UNC13A: variants seen among roughly 807,000 people sequenced by gnomAD.
The protein encoded by UNC13A is unc-13 homolog A, also known as protein unc-13 homolog A.
A neutral mutation model predicts 219.7 loss-of-function variants in UNC13A; 61 were observed. That is an observed-to-expected ratio of 0.28 (90% CI 0.23 to 0.34). The LOEUF is 0.34. Among genes scored for constraint, UNC13A ranks in the 10% least tolerant of loss-of-function variants. The pLI is 1.00. For missense variants in UNC13A, 1,476 were observed against 2,270.3 expected (o/e 0.65, Z 7.11); for synonymous variants, 920 against 884.6 (o/e 1.04, Z -0.71).
intron 17 of UNC13A, among the ~76,000 whole-genome samples, chr19:17,646,400 C>T (rs533578560): frequency 1.3e-5 from 2 of 152,232 alleles, no homozygotes; most frequent in East Asian, 1.9e-4. Flanking sequence ...ATTACCCGCA[C>T]GTGCCACCCC....
At position 17,674,011 on chromosome 19, in the gene UNC13A, AAAAC is replaced by A. The variant is rs1229471035; in HGVS notation, c.152+642_152+645del. ...GGGCAACAGAGTGAGGCTCTGCCTC[AAAAC>A]AAACAAACAAACAAACAAAATTGGT... On this transcript the variant is annotated intron_variant, in intron 3 of 43. Coordinates refer to ENST00000519716, the MANE Select transcript of UNC13A (RefSeq NM_001080421.3). This position sits in a 1 kb window ranked among gnomAD's most constrained non-coding sequence, Gnocchi z 5.0. Among the ~76,000 whole-genome samples the A allele has an allele frequency of 2.0e-5, 3 of 152,258 alleles. No homozygotes were observed. The highest frequency in any genetic ancestry group is 6.5e-5 in the Admixed American group (1 of 15,290).
intron 1 of UNC13A, among the ~76,000 whole-genome samples, chr19:17,682,395 A>G (rs2080035827): frequency 6.6e-6 from 1 of 152,218 alleles, no homozygotes; most frequent in Non-Finnish European, 1.5e-5. Flanking sequence ...CATTCCACAG[A>G]TGAGCACACC....
At chr19:17,625,017 T>TAAC in intron 34 of UNC13A, 65 bp from the exon 35 acceptor site, 2 of 1,574,536 alleles carry the variant, frequency 1.3e-6, no homozygotes, top group Non-Finnish European at 1.7e-6. Flanking sequence ...CACCTTCCCT[T>TAAC]AACAGGTGGG....
rs1301748839 is a variant in UNC13A, at chr19:17,604,798, G to C, written c.*1256C>G. On this transcript the variant is annotated 3_prime_UTR_variant, in exon 44 of 44. Transcript: ENST00000519716. ...GCCATCTGAGGTATCCTGTGGCTTG[G>C]GTGTTTGAATCAATGAATAGGCTCT... 2.6e-5 allele frequency: 4 copies of C among 152,246 alleles called. No individual in the cohort carries two copies. The highest frequency in any genetic ancestry group is 5.9e-5 in the Non-Finnish European group (4 of 68,056). The allele number at this position is 152,246 out of a possible 1,614,324, so 9.4% of individuals were successfully genotyped here. A position where few individuals can be genotyped will look rare whatever the true frequency, so the allele number is the denominator to read the frequency against.
chr19:17,640,033 G>T (rs1034376987), intron 22 of UNC13A, 125 bp from the exon 23 acceptor site: 9 of 988,780 alleles, frequency 9.1e-6, no homozygotes, highest in Non-Finnish European at 1.2e-5. Flanking sequence ...TCCATTCTAT[G>T]GCATTTTTTT....
chr19:17,660,784 G>A (rs995678190), intron 8 of UNC13A, among the ~76,000 whole-genome samples: 9 of 151,832 alleles, frequency 5.9e-5, no homozygotes, highest in African/African-American at 2.2e-4. Context: ...TGCCTACCTC[G>A]GCCTCCCAAA....
chr19:17,641,599 T>A lies in UNC13A; in HGVS notation c.2473-43A>T, dbSNP rs768835438. On this transcript the variant is annotated intron_variant, in intron 20 of 43. Transcript: ENST00000519716. ...AAAGTGTCATGGAGAGTGCAAGGGG[T>A]CGCCGGGGGTCAGAGGTCCCAGGGT... The A allele has an allele frequency of 3.1e-6, 5 of 1,596,556 alleles. No individual in the cohort carries two copies. In the South Asian group the frequency reaches 4.4e-5, roughly 14 times the overall value.
At chr19:17,640,032 T>C (rs1001927768) in intron 22 of UNC13A, 124 bp from the exon 23 acceptor site, 5 of 982,526 alleles carry the variant, frequency 5.1e-6, no homozygotes, top group Admixed American at 2.3e-5. Flanking sequence ...TTCCATTCTA[T>C]GGCATTTTTT....
rs1487784274 is a variant in UNC13A, at chr19:17,617,799, C to T, written c.4461G>A (p.Lys1487=). The T allele has an allele frequency of 1.9e-6, 3 of 1,613,968 alleles. No homozygotes were observed. Among genetic ancestry groups the T allele is most frequent in the East Asian group, 2.2e-5 (1 of 44,880 alleles). ...AGCGCAAGGATTGCAGGTCCGGGCT[C>T]TTCTCCAGGAAGGTCTTCTTGAGGC... ...GVGLKKTFLE[K]SPDLQSLRYA... Residue 1487 remains lysine, a synonymous_variant, in exon 41 of 44, where the codon AAG becomes AAA. Transcript: ENST00000519716.
intron 25 of UNC13A, 46 bp from the exon 26 acceptor site, chr19:17,636,203 G>C: frequency 6.5e-7 from 1 of 1,539,374 alleles, no homozygotes; most frequent in East Asian, 2.4e-5. Context: ...TCCAGAGGTT[G>C]GTGCCTCGGT....
At chr19:17,641,134 C>T (rs2145042521) in intron 21 of UNC13A, among the ~76,000 whole-genome samples, 1 of 152,250 alleles carries the variant, frequency 6.6e-6, no homozygotes, top group Admixed American at 6.5e-5. Flanking sequence ...CCCACCTCAG[C>T]CTCCTAAAAT....
intron 41 of UNC13A, chr19:17,614,316 A>T (rs1434627798): frequency 6.6e-6 from 1 of 152,092 alleles, no homozygotes; most frequent in East Asian, 1.9e-4. Context: ...CTCAACCCCT[A>T]ATTTTTCCAT....
At position 17,674,625 on chromosome 19, in the gene UNC13A, G is replaced by T. The variant is rs748143174; in HGVS notation, c.152+32C>A. The T allele has an allele frequency of 3.1e-6, 5 of 1,598,566 alleles. No homozygotes were observed. The highest frequency in any genetic ancestry group is 1.1e-5 in the South Asian group (1 of 90,736). ...CAGCGAGGTGCTGGGCTATGCCAGG[G>T]AGTGAGGTCATGCCAGACGCTGCAG... On this transcript the variant is annotated intron_variant, in intron 3 of 43. Transcript: ENST00000519716. The surrounding 1 kb of genome is among the most constrained non-coding windows in gnomAD (Gnocchi z 5.0).
In UNC13A at chr19:17,606,260, C is replaced by T. The variant is rs1294540822; in HGVS notation, c.4906G>A (p.Ala1636Thr). 6.5e-7 allele frequency: 1 copy of T among 1,547,542 alleles called. No individual in the cohort carries two copies. Among genetic ancestry groups the T allele is most frequent in the South Asian group, 1.2e-5 (1 of 84,088 alleles). The change falls in exon 44 of 44, where the codon GCC becomes ACC. Residue 1636 changes from alanine to threonine, a missense_variant. Coordinates refer to ENST00000519716, the MANE Select transcript of UNC13A (RefSeq NM_001080421.3). ...GCCAGCTCACGCAGCTGCAGCACGG[C>T]CAGCCCCACCGTGCGGTCCTCGCGC... is the stretch of plus-strand genomic sequence containing the variant. ...FAREDRTVGL[A>T]VLQLRELAQR...
Position 17,617,754 on chromosome 19 carries a change from C to A in UNC13A, c.4506G>T (p.Thr1502=), listed in dbSNP as rs567895276. ...QSLRYALSLY[T]QATDLLIKTF... ...TCTTGATTAGCAGGTCGGTGGCCTG[C>A]GTGTAGAGCGACAGGGCATAGCGCA... Residue 1502 remains threonine (T), a synonymous_variant, in exon 41 of 44, where the codon ACG becomes ACT. Transcript: ENST00000519716. 6.2e-7 allele frequency: 1 copy of A among 1,613,898 alleles called. No homozygotes were observed. Among genetic ancestry groups the A allele is most frequent in the East Asian group, 2.2e-5 (1 of 44,872 alleles).
chr19:17,682,979 T>G (rs571707096), intron 1 of UNC13A, among the ~76,000 whole-genome samples: 2 of 151,850 alleles, frequency 1.3e-5, no homozygotes, highest in Admixed American at 1.3e-4. Flanking sequence ...GCAGGAGAAT[T>G]GCTTGAACCC....
intron 8 of UNC13A, among the ~76,000 whole-genome samples, chr19:17,662,267 C>T (rs73514348): frequency 0.011 from 1,698 of 151,640 alleles, 31 homozygotes; most frequent in African/African-American, 0.038. Context: ...AAGATTCTCA[C>T]GGGAGCGTGA....
chr19:17,639,710 C>T, intron 23 of UNC13A, 130 bp downstream of exon 23: 1 of 1,203,044 alleles, frequency 8.3e-7, no homozygotes, highest in East Asian at 2.5e-5. Flanking sequence ...CATGCAGGTG[C>T]ACACATGCTG....
intron 3 of UNC13A, among the ~76,000 whole-genome samples, chr19:17,673,650 A>G (rs1034551902): frequency 1.3e-5 from 2 of 150,622 alleles, no homozygotes; most frequent in Admixed American, 1.3e-4. Flanking sequence ...CCGAGATTGC[A>G]CCACTACACT....
Sources: allele counts gnomAD v4.1 joint callset (sites outside exome capture counted in the v4.1 genomes callset), GRCh38; gene constraint gnomAD v4.1.1; non-coding constraint Gnocchi (gnomAD v3.1); transcripts MANE v1.5; gene names NCBI Gene and HGNC (gene_info 2026-07-23, HGNC 2026-07-21).